KLHL22: variants seen among roughly 807,000 people sequenced by gnomAD.
KLHL22 encodes kelch like family member 22, also known as kelch-like protein 22.
Under a neutral mutation model 60.7 loss-of-function variants are expected in KLHL22, and 18 were observed. The ratio of observed to expected loss-of-function variants is 0.30; its 90% CI spans 0.20 to 0.44. KLHL22 has a LOEUF of 0.44. Among genes scored for constraint, KLHL22 ranks in the 20% least tolerant of loss-of-function variants. The probability of loss-of-function intolerance (pLI) is 1.00; values close to 1 mark genes in which losing one functional copy is unlikely to be tolerated. For synonymous variants in KLHL22, 355 were observed against 354.5 expected, an observed-to-expected ratio of 1.00 and a Z score of -0.01; for missense variants, 596 against 852.3, an observed-to-expected ratio of 0.70 and a Z score of 3.74.
At chr22:20,448,220 A>G (rs1276855263) in intron 5 of KLHL22, among the ~76,000 whole-genome samples, 1 of 152,224 alleles carries the variant, frequency 6.6e-6, no homozygotes, top group Non-Finnish European at 1.5e-5. Context: ...AGGTTGTTGC[A>G]TGTACAGGTT....
intron 5 of KLHL22, chr22:20,450,868 C>T (rs879252783): frequency 1.2e-6 from 2 of 1,611,336 alleles, no homozygotes; most frequent in South Asian, 2.2e-5. Context: ...ATGCAGGGAT[C>T]TGGTTGATGA....
intron 3 of KLHL22, among the ~76,000 whole-genome samples, chr22:20,470,393 T>TGG (rs2053296119): frequency 6.6e-6 from 1 of 150,938 alleles, no homozygotes; most frequent in Admixed American, 6.6e-5. Context: ...CTCACACCTG[T>TGG]AATCGCAACA....
intron 2 of KLHL22, among the ~76,000 whole-genome samples, chr22:20,481,552 G>A (rs62219871): frequency 0.2 from 29,780 of 151,930 alleles, 3,813 homozygotes; most frequent in Non-Finnish European, 0.29. Context: ...CCGCCCGGGC[G>A]ACAGAGAGAG....
chr22:20,461,254 T>C (rs1266354568), intron 4 of KLHL22, among the ~76,000 whole-genome samples: 2 of 152,144 alleles, frequency 1.3e-5, no homozygotes, highest in African/African-American at 2.4e-5. Context: ...GGAATTCTTG[T>C]TAAATTCATT....
intron 4 of KLHL22, among the ~76,000 whole-genome samples, chr22:20,463,013 C>A (rs2053179909): frequency 6.6e-6 from 1 of 152,146 alleles, no homozygotes; most frequent in Admixed American, 6.5e-5. Context: ...TTCACCAGTT[C>A]TAAGGCTGAT....
chr22:20,444,932 C>T (rs1322057016), intron 6 of KLHL22, among the ~76,000 whole-genome samples: 1 of 152,026 alleles, frequency 6.6e-6, no homozygotes, highest in African/African-American at 2.4e-5. Context: ...CAGGTGCAAG[C>T]CACCATGCCT....
intron 5 of KLHL22, among the ~76,000 whole-genome samples, chr22:20,448,037 T>C (rs1036061737): frequency 6.6e-6 from 1 of 152,162 alleles, no homozygotes; most frequent in Non-Finnish European, 1.5e-5. Flanking sequence ...CCCGAGGGGC[T>C]GCCCTTTAGG....
At chr22:20,494,900 T>C (rs970383467) in intron 1 of KLHL22, among the ~76,000 whole-genome samples, 2 of 152,182 alleles carry the variant, frequency 1.3e-5, no homozygotes, top group Admixed American at 6.5e-5. Flanking sequence ...CAGCCTTCTG[T>C]AGGGCCCCCG....
intron 3 of KLHL22, among the ~76,000 whole-genome samples, chr22:20,470,522 C>A (rs1229103675): frequency 6.6e-6 from 1 of 151,980 alleles, no homozygotes; most frequent in South Asian, 2.1e-4. Context: ...GTGGCACATG[C>A]CTATAGGTCC....
In KLHL22 at chr22:20,443,522, C is replaced by CTT. The variant is rs1199047243; in HGVS notation, c.1540-1085_1540-1084insAA. 1.3e-4 allele frequency among the ~76,000 whole-genome samples: 19 copies of CTT among 151,934 alleles called. 1 individual carries two copies. The South Asian group carries it at 2.1e-3, about 17-fold the overall frequency. ...TTGGGAGGCCAAGGCGGGCTGATCA[C>CTT]AAGGTCAAGAGATCAAGACCATCCT... On this transcript the variant is annotated intron_variant, in intron 6 of 6. Coordinates refer to ENST00000328879, the MANE Select transcript of KLHL22 (RefSeq NM_032775.4).
rs1238467425 is a variant in KLHL22, at chr22:20,471,570, T to C, written c.228-55A>G. The C allele has an allele frequency of 2.5e-6, 4 of 1,578,608 alleles. No homozygotes were observed. The African/African-American group carries it at 5.4e-5, about 21-fold the overall frequency. ...TTATACCAACAGGGACTTAAGCCCA[T>C]GTTGCCAAGAGTGACAGCATTCAGA... On this transcript the variant is annotated intron_variant, in intron 2 of 6. Coordinates refer to ENST00000328879, the MANE Select transcript of KLHL22 (RefSeq NM_032775.4).
chr22:20,465,065 C>T lies in KLHL22; in HGVS notation c.905G>A (p.Gly302Asp). 1 of 1,612,310 alleles carries T rather than the reference C, an allele frequency of 6.2e-7. No individual in the cohort carries two copies. Among genetic ancestry groups the T allele is most frequent in the Non-Finnish European group, 8.5e-7 (1 of 1,178,872 alleles). The stretch of plus-strand genomic sequence containing the variant: ...CGGCGTGGAGTGAATGCCCCCGAAG[C>T]CCACAACGCACTGGAAGTCCGACCG... ...ELRSDFQCVV[G>D]FGGIHSTPST... Residue 302 changes from glycine to aspartate, a missense_variant, in exon 4 of 7, where the codon GGC (glycine) becomes GAC (aspartate). Coordinates refer to ENST00000328879, the MANE Select transcript of KLHL22 (RefSeq NM_032775.4). The surrounding 1 kb of genome is among the most constrained non-coding windows in gnomAD (Gnocchi z 4.9).
chr22:20,445,934 G>C (rs2052852787), intron 6 of KLHL22, among the ~76,000 whole-genome samples: 1 of 152,102 alleles, frequency 6.6e-6, no homozygotes, highest in Non-Finnish European at 1.5e-5. Context: ...GCTAATTTTT[G>C]TATTTTTGTA....
chr22:20,467,272 A>C (rs890472885), intron 3 of KLHL22, among the ~76,000 whole-genome samples: 3 of 152,222 alleles, frequency 2.0e-5, no homozygotes, highest in Non-Finnish European at 4.4e-5. Context: ...ACACTGAAGG[A>C]AAAACTGGTT....
chr22:20,489,694 C>T, intron 1 of KLHL22: 2 of 471,318 alleles, frequency 4.2e-6, no homozygotes, highest in South Asian at 1.5e-5. Flanking sequence ...TTCTCAAGAG[C>T]TCTTCCTCCC....
chr22:20,469,906 G>T (rs183607623), intron 3 of KLHL22, among the ~76,000 whole-genome samples: 1 of 152,012 alleles, frequency 6.6e-6, no homozygotes, highest in East Asian at 1.9e-4. Context: ...TCAGGCCTCT[G>T]CCTGATAGCT....
rs1456568439 is a variant in KLHL22, at chr22:20,470,771, C to CACGGATGGATGGATAG, written c.393+578_393+579insCTATCCATCCATCCGT. Among the ~76,000 whole-genome samples the CACGGATGGATGGATAG allele has an allele frequency of 3.6e-3, 204 of 56,554 alleles. No individual in the cohort carries two copies. The Middle Eastern group carries it at 0.038, about 11-fold the overall frequency. The allele number at this position is 56,554 out of a possible 152,430, so 37.1% of individuals were successfully genotyped here. A position where few individuals can be genotyped will look rare whatever the true frequency, so the allele number is the denominator to read the frequency against. On this transcript the variant is annotated intron_variant, in intron 3 of 6. Transcript: ENST00000328879. Reference sequence around the variant, plus strand: ...GCCTGCCACCATGGATGGATGCATGCATGGATGGATGGATAGATGGATGGA... The same window carrying CACGGATGGATGGATAG: ...GCCTGCCACCATGGATGGATGCATGCACGGATGGATGGATAGATGGATGGATGGATAGATGGATGGA...
In KLHL22 at chr22:20,459,282, G is replaced by C. The variant is rs370363189; in HGVS notation, c.1113-1282C>G. The stretch of plus-strand genomic sequence containing the variant: ...TGTGCCCTATGCTGGTTAGTGAAAA[G>C]ATCAGTTTCATCCTTTGCTTCCTGC... On this transcript the variant is annotated intron_variant, in intron 4 of 6. Transcript: ENST00000328879. 5.1e-4 allele frequency among the ~76,000 whole-genome samples: 78 copies of C among 152,310 alleles called. 1 individual carries two copies. In the South Asian group the frequency reaches 0.016, roughly 31 times the overall value.
rs150439544 is a variant in KLHL22, at chr22:20,444,779, T to TTTTG, written c.1539+1660_1539+1663dup. Among the ~76,000 whole-genome samples, 210 of 151,486 alleles carry TTTTG rather than the reference T, an allele frequency of 1.4e-3. 3 individuals are homozygous for TTTTG. The highest frequency in any genetic ancestry group is 4.6e-3 in the South Asian group (22 of 4,780). ...GCAGAATGGGATATGGGATGCTCTT[T>TTTTG]TTTGTTTGTTTGTTTGTTTGTTTGA... On this transcript the variant is annotated intron_variant, in intron 6 of 6. Coordinates refer to ENST00000328879, the MANE Select transcript of KLHL22 (RefSeq NM_032775.4).
Sources: gnomAD v4.1 joint callset for allele counts (sites outside exome capture counted in the v4.1 genomes callset) on GRCh38, gnomAD v4.1.1 for gene constraint, Gnocchi (gnomAD v3.1) non-coding constraint, MANE v1.5 for transcripts, NCBI Gene and HGNC (gene_info 2026-07-23, HGNC 2026-07-21) for gene names.